FAM53A: variants seen among roughly 807,000 people sequenced by gnomAD.
The protein encoded by FAM53A is protein FAM53A.
In FAM53A, 28 loss-of-function variants were observed where a neutral mutation model predicts 26.6. That is an observed-to-expected ratio of 1.05 (90% confidence interval 0.78 to 1.45). The LOEUF is 1.45. Ranked by LOEUF, FAM53A falls within the 40% of genes most tolerant of loss-of-function variation. FAM53A has a pLI of 0.00. For missense variants in FAM53A, 650 were observed against 575.8 expected, an observed-to-expected ratio of 1.13 and a Z score of -1.32; for synonymous variants, 290 against 253.1, an observed-to-expected ratio of 1.15 and a Z score of -1.38.
At chr4:1,606,238 G>GAT in the FAM53A span, among the ~76,000 whole-genome samples, 6 of 151,512 alleles carry the variant, frequency 4.0e-5, no homozygotes, top group African/African-American at 1.5e-4. Flanking sequence ...GTAGAGACAG[G>GAT]GTTTCACCGT....
chr4:1,662,666 A>G (rs1373801585), intron 2 of FAM53A, among the ~76,000 whole-genome samples: 20 of 128,218 alleles, frequency 1.6e-4, no homozygotes, highest in South Asian at 5.3e-4. Flanking sequence ...AAAAAAAAAA[A>G]GGGTTCTTAC....
chr4:1,624,582 G>T (rs1302995764), intron 1 of FAM53A, among the ~76,000 whole-genome samples: 1 of 152,170 alleles, frequency 6.6e-6, no homozygotes, highest in Non-Finnish European at 1.5e-5. Flanking sequence ...CCCCTCTGGA[G>T]ACATCTACAT....
intron 1 of FAM53A, among the ~76,000 whole-genome samples, chr4:1,629,266 G>C (rs1301655252): frequency 6.6e-6 from 1 of 152,128 alleles, no homozygotes; most frequent in Non-Finnish European, 1.5e-5. Flanking sequence ...CCCACAGAGG[G>C]AGGCCGAGGC....
At chr4:1,629,080 G>A (rs890362407) in intron 1 of FAM53A, among the ~76,000 whole-genome samples, 12 of 151,968 alleles carry the variant, frequency 7.9e-5, no homozygotes, top group African/African-American at 1.2e-4. Flanking sequence ...CCATGCCTGC[G>A]TTGGGGGACA....
chr4:1,644,378 G>A (rs1348685937), intron 4 of FAM53A: 1 of 1,532,200 alleles, frequency 6.5e-7, no homozygotes, highest in South Asian at 1.2e-5. Context: ...GAACGCCTCT[G>A]GACGACACAG....
At chr4:1,644,983 T>A (rs1183761303) in intron 4 of FAM53A, 1 of 152,288 alleles carries the variant, frequency 6.6e-6, no homozygotes, top group Non-Finnish European at 1.5e-5. Flanking sequence ...TTTACTCTCT[T>A]GAGAAAGCGC....
chr4:1,601,557 CTGCGCCCCATTTGCCA>C, the FAM53A span, among the ~76,000 whole-genome samples: 263 of 112,108 alleles, frequency 2.3e-3, 61 homozygotes, highest in African/African-American at 7.2e-3. Context: ...GCAGAACAGG[CTGCGCCCCATTTGCCA>C]TGCGCCCCAT....
chr4:1,655,178 G>T lies in FAM53A; in HGVS notation c.682C>A (p.Arg228=). Residue 228 remains arginine (R), a synonymous_variant, in exon 4 of 5, where the codon CGA becomes AGA. Coordinates refer to ENST00000308132, the MANE Select transcript of FAM53A (RefSeq NM_001174070.3). ...AGGGGAGTGCCCGCACCCGCGAGTC[G>T]CTCCTGTGAGAGGGACGGGCGGCGC... ...TRRRPSLSQE[R]LAGAGTPLPW... The T allele has an allele frequency of 6.4e-7, 1 of 1,570,678 alleles. No homozygotes were observed.
chr4:1,632,140 G>A (rs1190359384), intron 1 of FAM53A, among the ~76,000 whole-genome samples: 1 of 150,024 alleles, frequency 6.7e-6, no homozygotes, highest in East Asian at 1.9e-4. Context: ...CTCCAGCCTG[G>A]GTGACACAGT....
chr4:1,616,098 G>A (rs1201546455), downstream of FAM53A, among the ~76,000 whole-genome samples: 2 of 152,216 alleles, frequency 1.3e-5, no homozygotes, highest in East Asian at 1.9e-4. Context: ...AGGTTCTGGT[G>A]CAGGAAATCA....
rs1339321187 is a variant in FAM53A, at chr4:1,659,611, A to G, written c.76-2143T>C. 6.6e-6 allele frequency among the ~76,000 whole-genome samples: 1 copy of G among 152,174 alleles called. No individual in the cohort carries two copies. Among genetic ancestry groups the G allele is most frequent in the Admixed American group, 6.5e-5 (1 of 15,272 alleles). ...CGTGTGGGATGTGGGTGCAGCAGAC[A>G]AACAGAGCCAGGGTCCCCGGGAGAC... On this transcript the variant is annotated intron_variant, in intron 2 of 4. Transcript: ENST00000308132. The surrounding 1 kb of genome is among the most constrained non-coding windows in gnomAD (Gnocchi z 5.2).
chr4:1,648,909 T>TC (rs1313294658), intron 4 of FAM53A, among the ~76,000 whole-genome samples: 1 of 152,132 alleles, frequency 6.6e-6, no homozygotes, highest in Non-Finnish European at 1.5e-5. Context: ...GGCCAAGAGT[T>TC]CAAGACCAGC....
At chr4:1,631,692 TA>T (rs200717362) in intron 1 of FAM53A, among the ~76,000 whole-genome samples, 2 of 151,040 alleles carry the variant, frequency 1.3e-5, no homozygotes, top group Non-Finnish European at 3.0e-5. Context: ...TTCAAGAAGC[TA>T]AAAAAAACAG....
At chr4:1,632,972 C>T (rs192334027) in intron 1 of FAM53A, among the ~76,000 whole-genome samples, 27 of 152,354 alleles carry the variant, frequency 1.8e-4, no homozygotes, top group Non-Finnish European at 2.9e-4. Flanking sequence ...TGCATGTGCA[C>T]AGGGCGCACG....
chr4:1,677,099 C>G (rs1159885793), intron 1 of FAM53A, among the ~76,000 whole-genome samples: 2 of 152,214 alleles, frequency 1.3e-5, no homozygotes, highest in Non-Finnish European at 2.9e-5. Context: ...TCCCCCTCAT[C>G]TTGCAGCTTC....
the FAM53A span, among the ~76,000 whole-genome samples, chr4:1,606,787 T>C: frequency 3.9e-4 from 59 of 152,338 alleles, no homozygotes; most frequent in East Asian, 7.9e-3. Context: ...CCCCTAGCTG[T>C]CGGGGAAAGC....
chr4:1,620,524 T>C (rs796625352), intron 1 of FAM53A, among the ~76,000 whole-genome samples: 15 of 151,428 alleles, frequency 9.9e-5, no homozygotes, highest in African/African-American at 3.4e-4. Context: ...CCATCAGCAA[T>C]GCCAAAAACC....
At chr4:1,624,549 C>G (rs1715195904) in intron 1 of FAM53A, among the ~76,000 whole-genome samples, 2 of 152,208 alleles carry the variant, frequency 1.3e-5, no homozygotes, top group Non-Finnish European at 2.9e-5. Context: ...CCAGGCAAAA[C>G]CTGTAGGAAG....
downstream of FAM53A, among the ~76,000 whole-genome samples, chr4:1,637,215 G>A (rs1227299218): frequency 1.3e-5 from 2 of 152,152 alleles, no homozygotes; most frequent in Non-Finnish European, 2.9e-5. Flanking sequence ...GGGATGGCCA[G>A]AGAATAGGCC....
Sources: allele counts gnomAD v4.1 joint callset (sites outside exome capture counted in the v4.1 genomes callset), GRCh38; gene constraint gnomAD v4.1.1; non-coding constraint Gnocchi (gnomAD v3.1); transcripts MANE v1.5; gene names NCBI Gene and HGNC (gene_info 2026-07-23, HGNC 2026-07-21).